The following NKAIN4 variants were observed in gnomAD, a reference collection of about 807,000 sequenced individuals.
The protein encoded by NKAIN4 is sodium/potassium-transporting ATPase subunit beta-1-interacting protein 4.
A neutral mutation model predicts 28.8 loss-of-function variants in NKAIN4; 28 were observed. The ratio of observed to expected loss-of-function variants is 0.97; its 90% CI spans 0.72 to 1.33. The LOEUF (loss-of-function observed/expected upper bound fraction) is 1.33, where lower values mean the gene tolerates loss of function less well. NKAIN4 is among the 40% of genes most tolerant of loss of function. The pLI is 0.00. For synonymous variants in NKAIN4, 122 were observed against 115.6 expected (o/e 1.06, Z -0.36); for missense variants, 289 against 277.2 (o/e 1.04, Z -0.30).
At chr20:63,243,667 G>C (rs1043373418) in intron 5 of NKAIN4, among the ~76,000 whole-genome samples, 7 of 152,196 alleles carry the variant, frequency 4.6e-5, no homozygotes, top group Admixed American at 6.5e-5. Flanking sequence ...TCCTGGCCAT[G>C]GGCCCGGTTC....
At chr20:63,249,378 G>A (rs971371571) in intron 2 of NKAIN4, 21 of 200,646 alleles carry the variant, frequency 1.0e-4, no homozygotes, top group African/African-American at 3.9e-4. Flanking sequence ...CGTTGGGACT[G>A]CACGGGCCAC....
At chr20:63,247,316 G>A (rs1289135003) in intron 4 of NKAIN4, 4 of 1,424,482 alleles carry the variant, frequency 2.8e-6, no homozygotes, top group Non-Finnish European at 3.7e-6. Flanking sequence ...ACTCCCCACA[G>A]CAAACACCAC....
upstream of NKAIN4, chr20:63,254,601 G>A: frequency 4.2e-6 from 2 of 470,782 alleles, no homozygotes; most frequent in Non-Finnish European, 3.1e-6. Context: ...CCCCAGCCCC[G>A]GGTAACAGCT....
intron 1 of NKAIN4, chr20:63,253,484 C>T: frequency 1.0e-6 from 1 of 985,632 alleles, no homozygotes; most frequent in Non-Finnish European, 1.2e-6. Context: ...CCCTTCTGGC[C>T]CTTCTAGCTT....
At chr20:63,249,772 T>C (rs1252309822) in intron 2 of NKAIN4, among the ~76,000 whole-genome samples, 163 bp downstream of exon 2, 1 of 152,162 alleles carries the variant, frequency 6.6e-6, no homozygotes, top group Non-Finnish European at 1.5e-5. Context: ...ACCAGAATTC[T>C]AGATGTCCAG....
At position 63,253,027 on chromosome 20, in the gene NKAIN4, C is replaced by T. The variant is rs80026832; in HGVS notation, c.54+1370G>A. On this transcript the variant is annotated intron_variant, in intron 1 of 6. Transcript: ENST00000370316. ...CCCCCAAAGCAGCCTCACTTCCTGACGCTCATGCATCACCAGCTGCCACTG... is the reference window on the plus strand; with the variant it reads ...CCCCCAAAGCAGCCTCACTTCCTGATGCTCATGCATCACCAGCTGCCACTG... Among the ~76,000 whole-genome samples, 831 of 152,312 alleles carry T rather than the reference C, an allele frequency of 5.5e-3. 4 individuals carry two copies. The highest frequency in any genetic ancestry group is 0.01 in the Non-Finnish European group (697 of 68,026).
intron 6 of NKAIN4, 105 bp downstream of exon 6, chr20:63,242,434 C>T (rs1247284434): frequency 1.2e-5 from 9 of 773,008 alleles, no homozygotes; most frequent in Non-Finnish European, 2.1e-5. Context: ...GATGGCAGAA[C>T]GGACAGGCAG....
At chr20:63,253,212 A>T in intron 1 of NKAIN4, 1 of 985,196 alleles carries the variant, frequency 1.0e-6, no homozygotes, top group Non-Finnish European at 1.2e-6. Flanking sequence ...TTGAGGAGCC[A>T]CTCACTGAAA....
chr20:63,245,091 G>A lies in NKAIN4; in HGVS notation c.472-1007C>T, dbSNP rs60374846. Among the ~76,000 whole-genome samples the A allele has an allele frequency of 0.32, 49,087 of 152,034 alleles. 8,370 individuals carry two copies. The highest frequency in any genetic ancestry group is 0.49 in the Middle Eastern group (144 of 294). On this transcript the variant is annotated intron_variant, in intron 4 of 6. Coordinates refer to ENST00000370316, the MANE Select transcript of NKAIN4 (RefSeq NM_152864.4). This position sits in a 1 kb window ranked among gnomAD's most constrained non-coding sequence, Gnocchi z 4.7. ...CCAGGGCTGGACATGCTTGGGCTCC[G>A]TCCCCCCGACCCCCGACCCCATCTG... is the stretch of plus-strand genomic sequence containing the variant.
chr20:63,244,595 C>T (rs2066822247), intron 4 of NKAIN4: 9 of 468,714 alleles, frequency 1.9e-5, no homozygotes, highest in Non-Finnish European at 4.4e-6. Context: ...GACTCGGGGT[C>T]CAGCGGGCAA....
Position 63,241,196 on chromosome 20 carries a change from G to T in NKAIN4, c.*301C>A, listed in dbSNP as rs6089867. On this transcript the variant is annotated 3_prime_UTR_variant, in exon 7 of 7. Coordinates refer to ENST00000370316, the MANE Select transcript of NKAIN4 (RefSeq NM_152864.4). ...GAGACGACAGCCTGGGGGCAGAGCT[G>T]TGACCCCCATGTTGCCAGAGGAGGT... The T allele has an allele frequency of 3.5e-3, 1,396 of 400,850 alleles. 17 individuals are homozygous for T. The highest frequency in any genetic ancestry group is 0.027 in the African/African-American group (1,271 of 47,286). The allele number at this position is 400,850 out of a possible 1,614,324, so 24.8% of individuals were successfully genotyped here.
chr20:63,241,564 G>A, intron 6 of NKAIN4, 58 bp from the exon 7 acceptor site: 5 of 1,475,434 alleles, frequency 3.4e-6, no homozygotes, highest in South Asian at 1.2e-5. Context: ...GCCACTGGGG[G>A]CTGCCACCCC....
intron 5 of NKAIN4, among the ~76,000 whole-genome samples, chr20:63,243,160 A>G (rs2066791947): frequency 6.6e-6 from 1 of 152,146 alleles, no homozygotes; most frequent in Non-Finnish European, 1.5e-5. Flanking sequence ...AAATGTTTGA[A>G]TGGAACCAGT....
rs1474479499 is a variant in NKAIN4 at position 63,244,104 on chromosome 20, G to A, written c.472-20C>T. On this transcript the variant is annotated intron_variant, in intron 4 of 6. Coordinates refer to ENST00000370316, the MANE Select transcript of NKAIN4 (RefSeq NM_152864.4). The stretch of plus-strand genomic sequence containing the variant: ...CAGAAGCTGAAAGACACCACAGGCA[G>A]GGGCGTGAGTGCGGCCAGGCGAGCC... 1 of 1,610,212 alleles carries A rather than the reference G, an allele frequency of 6.2e-7. No homozygotes were observed. Among genetic ancestry groups the A allele is most frequent in the East Asian group, 2.2e-5 (1 of 44,718 alleles).
At chr20:63,247,821 G>A (rs1247741373) in intron 3 of NKAIN4, 46 bp from the exon 4 acceptor site, 12 of 1,418,732 alleles carry the variant, frequency 8.5e-6, no homozygotes, top group Middle Eastern at 2.5e-4. Context: ...CCAGGAGGTG[G>A]GCGGCCTCAC....
chr20:63,247,297 T>G (rs4809512), intron 4 of NKAIN4: 519,496 of 1,373,028 alleles, frequency 0.38, 99,798 homozygotes, highest in East Asian at 0.54. Context: ...CCTGATCCGA[T>G]TCCTTCCCAC....
intron 5 of NKAIN4, among the ~76,000 whole-genome samples, chr20:63,242,876 C>G (rs558785231): frequency 1.4e-5 from 1 of 69,950 alleles, no homozygotes; most frequent in South Asian, 4.2e-4. Context: ...TCAGCCTGTG[C>G]GGGGACATGG....
chr20:63,246,737 C>A, intron 4 of NKAIN4: 1 of 985,466 alleles, frequency 1.0e-6, no homozygotes, highest in Non-Finnish European at 1.2e-6. Flanking sequence ...GTCACATTGG[C>A]CCTGCCCCCG....
rs1178195688 is a variant in NKAIN4 at position 63,251,597 on chromosome 20, A to ACT, written c.55-1527_55-1526dup. Among the ~76,000 whole-genome samples the ACT allele has an allele frequency of 1.9e-4, 29 of 152,296 alleles. 1 individual carries two copies. Among genetic ancestry groups the ACT allele is most frequent in the African/African-American group, 6.7e-4 (28 of 41,558 alleles). On this transcript the variant is annotated intron_variant, in intron 1 of 6. Coordinates refer to ENST00000370316, the MANE Select transcript of NKAIN4 (RefSeq NM_152864.4). ...TGTCTGGGCGTGACAGAAGGCTCAC[A>ACT]CTTGTCTTCTGGTCACTTCTCACTA...
Sources: gnomAD v4.1 joint callset for allele counts (sites outside exome capture counted in the v4.1 genomes callset) on GRCh38, gnomAD v4.1.1 for gene constraint, Gnocchi (gnomAD v3.1) non-coding constraint, MANE v1.5 for transcripts, NCBI Gene and HGNC (gene_info 2026-07-23, HGNC 2026-07-21) for gene names.